The following RANBP10 variants were observed in gnomAD, a reference collection of about 807,000 sequenced individuals.
The protein encoded by RANBP10 is ran-binding protein 10.
Under a neutral mutation model 72.8 loss-of-function variants are expected in RANBP10, and 24 were observed. The ratio of observed to expected loss-of-function variants is 0.33; its 90% CI spans 0.24 to 0.46. The LOEUF (loss-of-function observed/expected upper bound fraction) is 0.46. Among genes scored for constraint, RANBP10 ranks in the 20% least tolerant of loss-of-function variants. The pLI, the probability that RANBP10 is intolerant of heterozygous loss-of-function variation, is 1.00. For missense variants in RANBP10, 679 were observed against 817.5 expected (o/e 0.83, Z 2.07); for synonymous variants, 310 against 322.3 (o/e 0.96, Z 0.41).
At chr16:67,740,406 T>TA (rs1378162331) in intron 4 of RANBP10, among the ~76,000 whole-genome samples, 1 of 152,142 alleles carries the variant, frequency 6.6e-6, no homozygotes, top group Admixed American at 6.6e-5. Flanking sequence ...GCCCGGCAGA[T>TA]AAAGTCTTAT....
chr16:67,777,066 C>T (rs2054719520), intron 2 of RANBP10, among the ~76,000 whole-genome samples: 2 of 151,308 alleles, frequency 1.3e-5, no homozygotes, highest in African/African-American at 2.4e-5. Flanking sequence ...AAAAATTAGC[C>T]GGGCGTGGTG....
chr16:67,787,426 C>A (rs1002338480), intron 2 of RANBP10, among the ~76,000 whole-genome samples: 2 of 152,092 alleles, frequency 1.3e-5, no homozygotes, highest in Admixed American at 6.6e-5. Context: ...TCACACACTG[C>A]TGGTGGGGAT....
intron 5 of RANBP10, among the ~76,000 whole-genome samples, chr16:67,737,203 T>C (rs2053868490): frequency 1.5e-5 from 2 of 135,728 alleles, no homozygotes; most frequent in Non-Finnish European, 3.2e-5. Context: ...TTTTTTTTTT[T>C]TTTTTTTTTT....
chr16:67,795,826 G>A (rs1172678486), intron 2 of RANBP10, among the ~76,000 whole-genome samples: 1 of 151,278 alleles, frequency 6.6e-6, no homozygotes, highest in Non-Finnish European at 1.5e-5. Flanking sequence ...CTGCACTCCA[G>A]CCTGGGCGAC....
At chr16:67,767,455 A>AG in intron 3 of RANBP10, among the ~76,000 whole-genome samples, 1 of 73,876 alleles carries the variant, frequency 1.4e-5, no homozygotes, top group Admixed American at 1.3e-4. Context: ...ACCCTGTTTC[A>AG]AAAAAAAAAA....
In RANBP10 at chr16:67,769,464, T is replaced by TAAAAAAAAAAAAAA. The variant is rs1353210626; in HGVS notation, c.400+2569_400+2570insTTTTTTTTTTTTTT. Among the ~76,000 whole-genome samples the TAAAAAAAAAAAAAA allele has an allele frequency of 9.6e-3, 87 of 9,090 alleles. 10 individuals carry two copies. The highest frequency in any genetic ancestry group is 0.014 in the South Asian group (5 of 368). The allele number at this position is 9,090 out of a possible 152,430, so 6.0% of individuals were successfully genotyped here. On this transcript the variant is annotated intron_variant, in intron 3 of 13. Coordinates refer to ENST00000317506, the MANE Select transcript of RANBP10 (RefSeq NM_020850.3). ...GTCTCAAAAAAAAAAAAAAAAAAAG[T>TAAAAAAAAAAAAAA]GCTGGGCGCAGTGGCTCACGCCTGT...
intron 3 of RANBP10, among the ~76,000 whole-genome samples, chr16:67,753,168 T>C (rs1017289344): frequency 5.5e-5 from 8 of 145,116 alleles, no homozygotes; most frequent in Non-Finnish European, 1.2e-4. Flanking sequence ...ATCATGCCAC[T>C]GCACTCTAGC....
At chr16:67,796,742 G>A (rs1450603434) in intron 2 of RANBP10, among the ~76,000 whole-genome samples, 1 of 152,094 alleles carries the variant, frequency 6.6e-6, no homozygotes, top group Non-Finnish European at 1.5e-5. Context: ...AACAAGAAAT[G>A]GCATAAGAGG....
intron 3 of RANBP10, among the ~76,000 whole-genome samples, chr16:67,754,843 T>C (rs2054259199): frequency 6.6e-6 from 1 of 152,180 alleles, no homozygotes; most frequent in Non-Finnish European, 1.5e-5. Flanking sequence ...CGGACCCTGG[T>C]TCCCTTCTCT....
intron 3 of RANBP10, among the ~76,000 whole-genome samples, chr16:67,760,407 T>C (rs1323886487): frequency 6.6e-6 from 1 of 152,200 alleles, no homozygotes; most frequent in Non-Finnish European, 1.5e-5. Flanking sequence ...ATATCAGCTG[T>C]TTGCAGAACG....
chr16:67,747,154 G>T (rs573165673), intron 3 of RANBP10, among the ~76,000 whole-genome samples: 1 of 152,286 alleles, frequency 6.6e-6, no homozygotes, highest in African/African-American at 2.4e-5. Context: ...AACCAGCAAT[G>T]TATGAGTTCC....
At chr16:67,748,090 G>A (rs1480490976) in intron 3 of RANBP10, among the ~76,000 whole-genome samples, 1 of 151,728 alleles carries the variant, frequency 6.6e-6, no homozygotes, top group Non-Finnish European at 1.5e-5. Context: ...CTCCCAAAGG[G>A]CTGGGATTAC....
At chr16:67,737,912 A>T (rs2143004036) in intron 5 of RANBP10, 101 bp downstream of exon 5, 1 of 1,438,912 alleles carries the variant, frequency 6.9e-7, no homozygotes, top group African/African-American at 1.4e-5. Context: ...CTGGTTGGGG[A>T]AAGAACCAGA....
chr16:67,744,505 C>T (rs978878278), intron 3 of RANBP10, 50 bp from the exon 4 acceptor site: 2 of 1,534,708 alleles, frequency 1.3e-6, no homozygotes, highest in Non-Finnish European at 1.8e-6. Context: ...GAGGGAGGAA[C>T]AAGACAAGTC....
Position 67,806,522 on chromosome 16 carries a change from C to A in RANBP10, c.15G>T (p.Thr5=). 2.0e-6 allele frequency: 3 copies of A among 1,510,226 alleles called. No homozygotes were observed. The highest frequency in any genetic ancestry group is 1.2e-5 in the South Asian group (1 of 81,046). The allele number at this position is 1,510,226 out of a possible 1,614,324, so 93.6% of individuals were successfully genotyped here. The change falls in exon 1 of 14, where the codon ACG becomes ACT. Residue 5 remains threonine, a synonymous_variant. Coordinates refer to ENST00000317506, the MANE Select transcript of RANBP10 (RefSeq NM_020850.3). The part of the protein sequence containing the change: MAAA[T]ADPGAGNPQP... ...GCGGGTTCCCAGCTCCCGGGTCTGCCGTCGCTGCCGCCATCTTGGAGGGAG... is the reference window on the plus strand; with the variant it reads ...GCGGGTTCCCAGCTCCCGGGTCTGCAGTCGCTGCCGCCATCTTGGAGGGAG...
intron 3 of RANBP10, among the ~76,000 whole-genome samples, chr16:67,757,912 G>A (rs1480668603): frequency 2.0e-5 from 3 of 152,262 alleles, no homozygotes; most frequent in African/African-American, 7.2e-5. Context: ...CCATGGTAAA[G>A]GGGGCAGGAG....
intron 13 of RANBP10, 83 bp downstream of exon 13, chr16:67,727,244 A>C: frequency 1.5e-6 from 2 of 1,333,178 alleles, no homozygotes; most frequent in Non-Finnish European, 2.1e-6. Context: ...GATTGCTGTG[A>C]GCCAAGATTG....
At chr16:67,753,325 G>C (rs1010124200) in intron 3 of RANBP10, among the ~76,000 whole-genome samples, 1 of 152,036 alleles carries the variant, frequency 6.6e-6, no homozygotes, top group Non-Finnish European at 1.5e-5. Flanking sequence ...GGACAACATG[G>C]TGACACCCCA....
intron 2 of RANBP10, among the ~76,000 whole-genome samples, chr16:67,799,016 C>T (rs974969598): frequency 3.9e-5 from 6 of 151,938 alleles, no homozygotes; most frequent in African/African-American, 7.3e-5. Context: ...ACCTTCACCT[C>T]CCAGGTTCGA....
Sources: gnomAD v4.1 joint callset for allele counts (sites outside exome capture counted in the v4.1 genomes callset) on GRCh38, gnomAD v4.1.1 for gene constraint, MANE v1.5 for transcripts, NCBI Gene and HGNC (gene_info 2026-07-23, HGNC 2026-07-21) for gene names.